The following CNTN2 variants were observed in gnomAD, a reference collection of about 807,000 sequenced individuals.
CNTN2 encodes the protein contactin-2.
Under a neutral mutation model 117.5 loss-of-function variants are expected in CNTN2, and 53 were observed. The observed-to-expected ratio is 0.45, with a 90% CI of 0.36 to 0.57. The LOEUF is 0.57. Among genes scored for constraint, CNTN2 ranks in the 20% least tolerant of loss-of-function variants. The probability of loss-of-function intolerance (pLI) is 0.00; values close to 1 mark genes in which losing one functional copy is unlikely to be tolerated. For synonymous variants in CNTN2, 530 were observed against 561.7 expected (o/e 0.94, Z 0.80); for missense variants, 1,106 against 1,404.3 (o/e 0.79, Z 3.39).
rs559660937 is a variant in CNTN2, at chr1:205,053,109, C to T, written c.-77C>T. On this transcript the variant is annotated 5_prime_UTR_variant, in exon 2 of 23. Coordinates refer to ENST00000331830, the MANE Select transcript of CNTN2 (RefSeq NM_005076.5). ...CTGTCTGCCTCCCCAGGTCCTTTCTCAGCCTCCAGCTGGGCTGTCCCCAAG... is the reference window on the plus strand; with the variant it reads ...CTGTCTGCCTCCCCAGGTCCTTTCTTAGCCTCCAGCTGGGCTGTCCCCAAG... The T allele has an allele frequency of 3.4e-6, 4 of 1,172,496 alleles. No individual in the cohort carries two copies. Among genetic ancestry groups the T allele is most frequent in the Non-Finnish European group, 4.8e-6 (4 of 835,936 alleles). 72.6% of individuals were successfully genotyped at this position (1,172,496 alleles called of 1,614,324 possible).
Position 205,076,252 on chromosome 1 carries a change from G to A in CNTN2, c.*2487G>A, listed in dbSNP as rs1216371919. 1 of 152,176 alleles carries A rather than the reference G, an allele frequency of 6.6e-6. No homozygotes were observed. Among genetic ancestry groups the A allele is most frequent in the African/African-American group, 2.4e-5 (1 of 41,422 alleles). 9.4% of individuals were successfully genotyped at this position (152,176 alleles called of 1,614,324 possible). ...GGGATAGAACGACAACAAAATAAATGTTCCTGCAGCCTGAGATTTCAGGTA... is the reference window on the plus strand; with the variant it reads ...GGGATAGAACGACAACAAAATAAATATTCCTGCAGCCTGAGATTTCAGGTA... On this transcript the variant is annotated 3_prime_UTR_variant, in exon 23 of 23. Coordinates refer to ENST00000331830, the MANE Select transcript of CNTN2 (RefSeq NM_005076.5).
Position 205,065,041 on chromosome 1 carries a change from C to T in CNTN2, c.1520-46C>T. 6.3e-7 allele frequency: 1 copy of T among 1,599,374 alleles called. No homozygotes were observed. Among genetic ancestry groups the T allele is most frequent in the Non-Finnish European group, 8.5e-7 (1 of 1,170,110 alleles). ...GCCTGCCCTGCGGACCCGGCCTGGG[C>T]CCATTTCCTCCCCCATCCACCCAAG... On this transcript the variant is annotated intron_variant, in intron 12 of 22. Transcript: ENST00000331830. The surrounding 1 kb of genome is among the most constrained non-coding windows in gnomAD (Gnocchi z 4.1).
In CNTN2 at chr1:205,059,157, GACCACAGGGA is replaced by G; in HGVS notation, c.565_574del (p.Thr189CysfsTer139). On this transcript the variant is annotated frameshift_variant, in exon 6 of 23. Coordinates refer to ENST00000331830, the MANE Select transcript of CNTN2 (RefSeq NM_005076.5). LOFTEE classifies it high-confidence loss of function. The surrounding 1 kb of genome is among the most constrained non-coding windows in gnomAD (Gnocchi z 5.6). ...CGGACGGGCGTCACTTCGTGTCCCA[GACCACAGGGA>G]ACCTGTACATTGCCCGAACCAATGC... 6.2e-7 allele frequency: 1 copy of G among 1,614,174 alleles called. No homozygotes were observed. Among genetic ancestry groups the G allele is most frequent in the Non-Finnish European group, 8.5e-7 (1 of 1,180,038 alleles).
intron 1 of CNTN2, among the ~76,000 whole-genome samples, chr1:205,050,278 A>AGTGTGTGT (rs3073631): frequency 0.067 from 9,812 of 145,374 alleles, 519 homozygotes; most frequent in East Asian, 0.26. Context: ...TAGAGCTCTG[A>AGTGTGTGT]GTGTGTGTGT....
Position 205,059,780 on chromosome 1 carries a change from T to C in CNTN2, c.797+98T>C, listed in dbSNP as rs781250596. On this transcript the variant is annotated intron_variant, in intron 7 of 22. Coordinates refer to ENST00000331830, the MANE Select transcript of CNTN2 (RefSeq NM_005076.5). The surrounding 1 kb of genome is among the most constrained non-coding windows in gnomAD (Gnocchi z 5.6). ...CAGAGTCAGGGCTCTTATCTTGGTGTCCCTCACAGGGTCTAGCAAAGTACT... is the reference window on the plus strand; with the variant it reads ...CAGAGTCAGGGCTCTTATCTTGGTGCCCCTCACAGGGTCTAGCAAAGTACT... The C allele has an allele frequency of 1.1e-5, 11 of 1,006,002 alleles. No individual in the cohort carries two copies. The highest frequency in any genetic ancestry group is 1.6e-5 in the African/African-American group (1 of 62,748). The allele number at this position is 1,006,002 out of a possible 1,614,324, so 62.3% of individuals were successfully genotyped here.
chr1:205,065,946 C>A lies in CNTN2; in HGVS notation c.1816+37C>A. The A allele has an allele frequency of 6.3e-7, 1 of 1,576,460 alleles. No individual in the cohort carries two copies. The highest frequency in any genetic ancestry group is 1.2e-5 in the South Asian group (1 of 84,592). ...CCCACCTCTACCCCTACCCCAACTC[C>A]CTTAAAACCCAGCTGGGCTGTTCTG... On this transcript the variant is annotated intron_variant, in intron 14 of 22. Coordinates refer to ENST00000331830, the MANE Select transcript of CNTN2 (RefSeq NM_005076.5). The surrounding 1 kb of genome is among the most constrained non-coding windows in gnomAD (Gnocchi z 4.1).
intron 1 of CNTN2, among the ~76,000 whole-genome samples, chr1:205,044,268 TG>T (rs1488760613): frequency 6.6e-6 from 1 of 151,726 alleles, no homozygotes; most frequent in Non-Finnish European, 1.5e-5. Context: ...GGGCTGGAGG[TG>T]GGGGGCAGCC....
At position 205,062,021 on chromosome 1, in the gene CNTN2, C is replaced by T; in HGVS notation, c.1110+20C>T. On this transcript the variant is annotated intron_variant, in intron 9 of 22. Coordinates refer to ENST00000331830, the MANE Select transcript of CNTN2 (RefSeq NM_005076.5). ...TCCCAGGTAGGAGACATGGGGCTTCCCCCGACACATCACAACTGTCCTCTG... is the reference window on the plus strand; with the variant it reads ...TCCCAGGTAGGAGACATGGGGCTTCTCCCGACACATCACAACTGTCCTCTG... 1 of 1,611,044 alleles carries T rather than the reference C, an allele frequency of 6.2e-7. No homozygotes were observed. The highest frequency in any genetic ancestry group is 8.5e-7 in the Non-Finnish European group (1 of 1,178,968).
Position 205,072,511 on chromosome 1 carries a change from C to T in CNTN2, c.2760C>T (p.Ser920=), listed in dbSNP as rs201621031. The part of the protein sequence containing the change: ...PPPRRPPGNI[S]WTFSSSSLSI... The stretch of plus-strand genomic sequence containing the variant: ...CGCGGCGACCTCCTGGCAACATCTC[C>T]TGGACTTTCTCAAGCTCTAGTCTTA... Residue 920 remains serine, a synonymous_variant, in exon 21 of 23, where the codon TCC becomes TCT. Transcript: ENST00000331830. 8.2e-5 allele frequency: 132 copies of T among 1,614,086 alleles called. No homozygotes were observed. The highest frequency in any genetic ancestry group is 1.6e-4 in the Middle Eastern group (1 of 6,082).
chr1:205,044,458 T>TGGG (rs34682563), intron 1 of CNTN2, among the ~76,000 whole-genome samples: 22 of 100,864 alleles, frequency 2.2e-4, no homozygotes, highest in African/African-American at 5.9e-4. Flanking sequence ...GCCTGTGTCC[T>TGGG]GGGGGGGGGG....
In CNTN2 at chr1:205,058,603, G is replaced by C; in HGVS notation, c.427G>C (p.Val143Leu). 1.2e-6 allele frequency: 2 copies of C among 1,614,046 alleles called. No homozygotes were observed. Among genetic ancestry groups the C allele is most frequent in the South Asian group, 1.1e-5 (1 of 91,066 alleles). Residue 143 changes from valine (V) to leucine (L), a missense_variant, in exon 5 of 23, where the codon GTG becomes CTG. Val to Leu is a conservative substitution (Grantham distance 32). Transcript: ENST00000331830. This position sits in a 1 kb window ranked among gnomAD's most constrained non-coding sequence, Gnocchi z 4.3. Reference sequence around the variant, plus strand: ...ATTCTCCAAGGAGGAGCGAGACCCAGTGAAAGCTCATGAAGGCTGGGGGGT... The same window carrying C: ...ATTCTCCAAGGAGGAGCGAGACCCACTGAAAGCTCATGAAGGCTGGGGGGT... ...QEFSKEERDPVKAHEGWGVML... is the reference protein window; with the variant it reads ...QEFSKEERDPLKAHEGWGVML...
rs4017875 is a variant in CNTN2 at position 205,048,910 on chromosome 1, C to CGTGTGTGTGT, written c.-86-4149_-86-4140dup. Among the ~76,000 whole-genome samples, 88 of 127,880 alleles carry CGTGTGTGTGT rather than the reference C, an allele frequency of 6.9e-4. No individual in the cohort carries two copies. Among genetic ancestry groups the CGTGTGTGTGT allele is most frequent in the African/African-American group, 2.5e-3 (83 of 33,746 alleles). The allele number at this position is 127,880 out of a possible 152,430, so 83.9% of individuals were successfully genotyped here. ...GCTCCAGCCTTTAGCCCAGACTCTG[C>CGTGTGTGTGT]GTGTGTGTGTGTGTGTGTGTGTGTG... On this transcript the variant is annotated intron_variant, in intron 1 of 22. Coordinates refer to ENST00000331830, the MANE Select transcript of CNTN2 (RefSeq NM_005076.5). This position sits in a 1 kb window ranked among gnomAD's most constrained non-coding sequence, Gnocchi z 4.1.
rs1235671580 is a variant in CNTN2, at chr1:205,058,267, C to A, written c.302C>A (p.Thr101Asn). ...GGCAACCTGGTCATCATGAACCCCACCAAGGCACAGGATGCCGGGGTCTAC... is the reference window on the plus strand; with the variant it reads ...GGCAACCTGGTCATCATGAACCCCAACAAGGCACAGGATGCCGGGGTCTAC... ...VGGNLVIMNPTKAQDAGVYQC... is the reference protein window; with the variant it reads ...VGGNLVIMNPNKAQDAGVYQC... The change falls in exon 4 of 23, where the codon ACC (threonine) becomes AAC (asparagine). Residue 101 changes from threonine (T) to asparagine (N), a missense_variant. Thr to Asn is a moderately conservative substitution (Grantham distance 65, BLOSUM62 0). Transcript: ENST00000331830. The surrounding 1 kb of genome is among the most constrained non-coding windows in gnomAD (Gnocchi z 4.3). 2 of 1,543,156 alleles carry A rather than the reference C, an allele frequency of 1.3e-6. No individual in the cohort carries two copies. Among genetic ancestry groups the A allele is most frequent in the East Asian group, 4.5e-5 (2 of 44,278 alleles).
intron 1 of CNTN2, among the ~76,000 whole-genome samples, chr1:205,052,680 G>A (rs1234395536): frequency 3.3e-5 from 5 of 152,262 alleles, no homozygotes; most frequent in Admixed American, 3.3e-4. Flanking sequence ...AGGGGCAGGG[G>A]GAAAGTCAGC....
In CNTN2 at chr1:205,048,371, C is replaced by T. The variant is rs948762946; in HGVS notation, c.-86-4729C>T. On this transcript the variant is annotated intron_variant, in intron 1 of 22. Coordinates refer to ENST00000331830, the MANE Select transcript of CNTN2 (RefSeq NM_005076.5). This position sits in a 1 kb window ranked among gnomAD's most constrained non-coding sequence, Gnocchi z 4.1. ...TCATAGCCTTCTGTCCCCCAGCTGTCCCCCAGGCCCTTTGTTTCCTGGGAC... is the reference window on the plus strand; with the variant it reads ...TCATAGCCTTCTGTCCCCCAGCTGTTCCCCAGGCCCTTTGTTTCCTGGGAC... Among the ~76,000 whole-genome samples, 5 of 152,238 alleles carry T rather than the reference C, an allele frequency of 3.3e-5. No individual in the cohort carries two copies. In the East Asian group the frequency reaches 9.7e-4, roughly 29 times the overall value.
Position 205,059,600 on chromosome 1 carries a change from C to T in CNTN2, c.715C>T (p.Pro239Ser). ...CTCCCCAGATACCCGGCTCTTTGCACCCAGCATCAAGGCCCGGTTCCCAGC... is the reference window on the plus strand; with the variant it reads ...CTCCCCAGATACCCGGCTCTTTGCATCCAGCATCAAGGCCCGGTTCCCAGC... ...LAAEDTRLFA[P>S]SIKARFPAET... Residue 239 changes from proline to serine, a missense_variant, in exon 7 of 23, where the codon CCC becomes TCC. Coordinates refer to ENST00000331830, the MANE Select transcript of CNTN2 (RefSeq NM_005076.5). This position sits in a 1 kb window ranked among gnomAD's most constrained non-coding sequence, Gnocchi z 5.6. 2 of 1,614,178 alleles carry T rather than the reference C, an allele frequency of 1.2e-6. No homozygotes were observed. Among genetic ancestry groups the T allele is most frequent in the Non-Finnish European group, 1.7e-6 (2 of 1,180,026 alleles).
intron 1 of CNTN2, among the ~76,000 whole-genome samples, chr1:205,051,617 G>A (rs1333231278): frequency 1.3e-5 from 2 of 152,060 alleles, no homozygotes; most frequent in East Asian, 1.9e-4. Flanking sequence ...CTGCTCCAAC[G>A]CCCCCCACCC....
intron 10 of CNTN2, among the ~76,000 whole-genome samples, 188 bp from the exon 11 acceptor site, chr1:205,064,134 C>T (rs868494618): frequency 6.8e-6 from 1 of 147,586 alleles, no homozygotes; most frequent in African/African-American, 2.5e-5. Context: ...GGAGGGGGGG[C>T]GCGTTGTCAA....
intron 18 of CNTN2, 39 bp downstream of exon 18, chr1:205,070,100 G>A (rs1487831353): frequency 6.3e-7 from 1 of 1,590,730 alleles, no homozygotes; most frequent in South Asian, 1.1e-5. Context: ...CCCTACCCCA[G>A]CCACTTGTCC....
Sources: allele counts gnomAD v4.1 joint callset (sites outside exome capture counted in the v4.1 genomes callset), GRCh38; gene constraint gnomAD v4.1.1; non-coding constraint Gnocchi (gnomAD v3.1); transcripts MANE v1.5; gene names NCBI Gene and HGNC (gene_info 2026-07-23, HGNC 2026-07-21).